PDE4D: variants seen among roughly 807,000 people sequenced by gnomAD.
The protein encoded by PDE4D is phosphodiesterase 4D.
Under a neutral mutation model 87.4 loss-of-function variants are expected in PDE4D, and 24 were observed. That is an observed-to-expected ratio of 0.27 (90% CI 0.20 to 0.39). The LOEUF is 0.39. Ranked by LOEUF, PDE4D falls within the 10% of genes least tolerant of loss-of-function variation. The pLI, the probability that PDE4D is intolerant of heterozygous loss-of-function variation, is 1.00. For missense variants in PDE4D, 714 were observed against 1,041.0 expected, an observed-to-expected ratio of 0.69 and a Z score of 4.32; for synonymous variants, 384 against 383.2, an observed-to-expected ratio of 1.00 and a Z score of -0.02.
At chr5:60,416,340 A>G (rs1000617875) in intron 1 of PDE4D, among the ~76,000 whole-genome samples, 10 of 152,116 alleles carry the variant, frequency 6.6e-5, no homozygotes, top group African/African-American at 1.9e-4. Flanking sequence ...CCCCTTCCAC[A>G]CTGTAGAAGC....
chr5:59,881,691 T>C (rs977858762), intron 1 of PDE4D, among the ~76,000 whole-genome samples: 1 of 152,198 alleles, frequency 6.6e-6, no homozygotes, highest in African/African-American at 2.4e-5. Context: ...GTACAAATAC[T>C]GTGTTTGAAT....
intron 5 of PDE4D, among the ~76,000 whole-genome samples, chr5:59,143,092 T>A (rs1778141081): frequency 1.3e-5 from 2 of 151,814 alleles, no homozygotes; most frequent in Admixed American, 1.3e-4. Flanking sequence ...TCTTTTCCTT[T>A]ACTGTTTCCT....
At chr5:59,699,705 A>G (rs1181903954) in intron 1 of PDE4D, among the ~76,000 whole-genome samples, 2 of 152,218 alleles carry the variant, frequency 1.3e-5, no homozygotes, top group Non-Finnish European at 2.9e-5. Flanking sequence ...GTTTATGGAC[A>G]CTGACTTTTG....
At chr5:60,083,713 T>C (rs1320123641) in intron 2 of PDE4D, among the ~76,000 whole-genome samples, 1 of 152,200 alleles carries the variant, frequency 6.6e-6, no homozygotes, top group Non-Finnish European at 1.5e-5. Context: ...AAATACTACT[T>C]CCTGTTATAC....
chr5:59,997,369 C>G (rs1280591791), intron 2 of PDE4D, among the ~76,000 whole-genome samples: 1 of 152,066 alleles, frequency 6.6e-6, no homozygotes, highest in Non-Finnish European at 1.5e-5. Context: ...ACTTGAGGAA[C>G]CAGGGGTCAA....
chr5:59,608,383 T>C (rs1230350261), intron 1 of PDE4D, among the ~76,000 whole-genome samples: 2 of 152,158 alleles, frequency 1.3e-5, no homozygotes, highest in African/African-American at 2.4e-5. Context: ...TTATGTCTGC[T>C]AACATTTCAA....
intron 5 of PDE4D, among the ~76,000 whole-genome samples, chr5:59,105,708 A>G (rs1771475152): frequency 6.6e-6 from 1 of 152,238 alleles, no homozygotes. Flanking sequence ...TAAGCTTTAA[A>G]TATGCTGTGG....
At chr5:59,633,397 G>T (rs59457704) in intron 1 of PDE4D, among the ~76,000 whole-genome samples, 2,635 of 152,210 alleles carry the variant, frequency 0.017, 73 homozygotes, top group African/African-American at 0.059. Flanking sequence ...ACCTCACAAA[G>T]ATACTCCTTG....
In PDE4D at chr5:59,180,393, A is replaced by C. The variant is rs1285760848; in HGVS notation, c.808+202T>G. 5.6e-6 allele frequency: 4 copies of C among 711,030 alleles called. No homozygotes were observed. The Admixed American group carries it at 5.9e-5, about 10-fold the overall frequency. 44.0% of individuals were successfully genotyped at this position (711,030 alleles called of 1,614,324 possible). ...TGGTTAAAAATAATGTACATCAGTAAAAAACGTAAATCGGTAAAAATGTTC... is the reference window on the plus strand; with the variant it reads ...TGGTTAAAAATAATGTACATCAGTACAAAACGTAAATCGGTAAAAATGTTC... On this transcript the variant is annotated intron_variant, in intron 5 of 14. Coordinates refer to ENST00000340635, the MANE Select transcript of PDE4D (RefSeq NM_001104631.2).
chr5:59,001,900 C>T (rs1226986386), intron 6 of PDE4D, among the ~76,000 whole-genome samples: 1 of 152,200 alleles, frequency 6.6e-6, no homozygotes, highest in Non-Finnish European at 1.5e-5. Flanking sequence ...ACAGGTGTTT[C>T]ATGTGCGTCA....
At chr5:60,395,897 A>G (rs1258298311) in intron 1 of PDE4D, among the ~76,000 whole-genome samples, 1 of 152,060 alleles carries the variant, frequency 6.6e-6, no homozygotes, top group Non-Finnish European at 1.5e-5. Flanking sequence ...AAGCCTGCCC[A>G]TTACCACCAC....
At chr5:59,544,462 C>A (rs927581818) in intron 1 of PDE4D, among the ~76,000 whole-genome samples, 6 of 152,122 alleles carry the variant, frequency 3.9e-5, no homozygotes, top group African/African-American at 1.2e-4. Context: ...AGAATTTAAC[C>A]CTTTTAATCA....
At chr5:59,119,260 A>G (rs529637553) in intron 5 of PDE4D, among the ~76,000 whole-genome samples, 5 of 152,314 alleles carry the variant, frequency 3.3e-5, no homozygotes, top group African/African-American at 1.2e-4. Context: ...GAATCTTTCT[A>G]ATGATGGAGA....
chr5:59,039,686 C>T (rs1759292939), intron 5 of PDE4D: 1 of 220,080 alleles, frequency 4.5e-6, no homozygotes, highest in Non-Finnish European at 7.7e-6. Context: ...CTGTCCGTGC[C>T]ACCCGCCGCG....
intron 1 of PDE4D, among the ~76,000 whole-genome samples, chr5:60,472,082 G>T (rs1747858152): frequency 6.6e-6 from 1 of 152,116 alleles, no homozygotes; most frequent in African/African-American, 2.4e-5. Context: ...TCACAGATTT[G>T]CTGGTGAGGA....
chr5:59,430,385 G>C (rs1048279425), intron 1 of PDE4D: 2 of 1,231,160 alleles, frequency 1.6e-6, no homozygotes, highest in African/African-American at 3.1e-5. Context: ...ACCTTCCCCA[G>C]AGTCAGGTAC....
At chr5:60,401,050 C>T (rs1417509334) in intron 1 of PDE4D, among the ~76,000 whole-genome samples, 2 of 152,128 alleles carry the variant, frequency 1.3e-5, no homozygotes, top group African/African-American at 2.4e-5. Flanking sequence ...GTTTACAAAA[C>T]CGTGGTACTG....
chr5:60,476,427 G>T (rs1487710538), intron 1 of PDE4D, among the ~76,000 whole-genome samples: 2 of 152,058 alleles, frequency 1.3e-5, no homozygotes, highest in African/African-American at 2.4e-5. Context: ...CACAGCCCCT[G>T]CCATGACTGT....
chr5:59,127,435 C>A (rs1199904818), intron 5 of PDE4D, among the ~76,000 whole-genome samples: 1 of 152,018 alleles, frequency 6.6e-6, no homozygotes, highest in Non-Finnish European at 1.5e-5. Flanking sequence ...CTTTCTTCTT[C>A]CCCCACCTCC....
Sources: gnomAD v4.1 joint callset for allele counts (sites outside exome capture counted in the v4.1 genomes callset) on GRCh38, gnomAD v4.1.1 for gene constraint, MANE v1.5 for transcripts, NCBI Gene and HGNC (gene_info 2026-07-23, HGNC 2026-07-21) for gene names.